INPP5D: variants seen among roughly 807,000 people sequenced by gnomAD.
INPP5D encodes inositol polyphosphate-5-phosphatase D.
A neutral mutation model predicts 122.9 loss-of-function variants in INPP5D; 33 were observed. That is an observed-to-expected ratio of 0.27 (90% confidence interval 0.20 to 0.36). The LOEUF is 0.36. Ranked by LOEUF, INPP5D falls within the 10% of genes least tolerant of loss-of-function variation. The pLI is 1.00. For synonymous variants in INPP5D, 584 were observed against 576.2 expected, an observed-to-expected ratio of 1.01 and a Z score of -0.19; for missense variants, 1,053 against 1,412.7, an observed-to-expected ratio of 0.75 and a Z score of 4.08.
intron 24 of INPP5D, 33 bp downstream of exon 24, chr2:233,195,528 G>C: frequency 6.2e-7 from 1 of 1,612,188 alleles, no homozygotes; most frequent in Non-Finnish European, 8.5e-7. Flanking sequence ...GTTGGGGGGG[G>C]TGGATATCAG....
intron 18 of INPP5D, among the ~76,000 whole-genome samples, chr2:233,178,099 A>G (rs2106310142): frequency 6.6e-6 from 1 of 152,320 alleles, no homozygotes; most frequent in South Asian, 2.1e-4. Flanking sequence ...ATGTAATATT[A>G]AAATAAATAA....
chr2:233,112,209 C>T (rs574274115), intron 2 of INPP5D, among the ~76,000 whole-genome samples: 42 of 152,198 alleles, frequency 2.8e-4, no homozygotes, highest in African/African-American at 8.7e-4. Context: ...GTCGCTTCGA[C>T]GGTTATTAAT....
At chr2:233,125,474 C>T (rs1433276378) in intron 3 of INPP5D, among the ~76,000 whole-genome samples, 3 of 152,242 alleles carry the variant, frequency 2.0e-5, no homozygotes, top group South Asian at 2.1e-4. Flanking sequence ...CATCCAAGGT[C>T]AGCAGCCCTG....
chr2:233,126,886 C>G (rs761467136), intron 4 of INPP5D, among the ~76,000 whole-genome samples: 1 of 151,714 alleles, frequency 6.6e-6, no homozygotes, highest in Non-Finnish European at 1.5e-5. Context: ...CGCCACTGCA[C>G]TCCAGCCTGG....
In INPP5D at chr2:233,197,414, A is replaced by G. The variant is rs1381660854; in HGVS notation, c.2694-681A>G. 1.3e-5 allele frequency among the ~76,000 whole-genome samples: 2 copies of G among 152,100 alleles called. No homozygotes were observed. The highest frequency in any genetic ancestry group is 2.4e-5 in the African/African-American group (1 of 41,414). ...AAATGTGTGAGCTGATGTGTTCCAG[A>G]GGAACCCCTGCTGGAGTCTGCCCTG... On this transcript the variant is annotated intron_variant, in intron 24 of 26. Coordinates refer to ENST00000445964, the MANE Select transcript of INPP5D (RefSeq NM_001017915.3). This position sits in a 1 kb window ranked among gnomAD's most constrained non-coding sequence, Gnocchi z 4.4.
In INPP5D at chr2:233,188,350, C is replaced by T. The variant is rs964123652; in HGVS notation, c.2359-1500C>T. 2.0e-5 allele frequency among the ~76,000 whole-genome samples: 3 copies of T among 152,040 alleles called. No individual in the cohort carries two copies. Among genetic ancestry groups the T allele is most frequent in the Admixed American group, 2.0e-4 (3 of 15,270 alleles). ...CCACCGCCTGCCAGGGTGGTGGTGT[C>T]GCACAGAGACATTTGTTGTTCAGAT... On this transcript the variant is annotated intron_variant, in intron 21 of 26. Coordinates refer to ENST00000445964, the MANE Select transcript of INPP5D (RefSeq NM_001017915.3). The surrounding 1 kb of genome is among the most constrained non-coding windows in gnomAD (Gnocchi z 4.7).
intron 9 of INPP5D, among the ~76,000 whole-genome samples, chr2:233,155,340 G>A (rs868304126): frequency 6.6e-6 from 1 of 152,162 alleles, no homozygotes; most frequent in African/African-American, 2.4e-5. Flanking sequence ...GACCAGATCA[G>A]GGCTGGGTGC....
intron 9 of INPP5D, among the ~76,000 whole-genome samples, chr2:233,154,829 C>A (rs879881328): frequency 6.6e-6 from 1 of 152,150 alleles, no homozygotes; most frequent in Non-Finnish European, 1.5e-5. Flanking sequence ...CTAAACTGGT[C>A]CTGTTAAGAA....
At chr2:233,176,362 C>T (rs546838179) in intron 17 of INPP5D, among the ~76,000 whole-genome samples, 87 of 7,382 alleles carry the variant, frequency 0.012, 1 homozygote, top group African/African-American at 0.03. Context: ...GATGGATAGG[C>T]GAATGGATAG....
At chr2:233,124,633 A>G (rs1406502403) in intron 3 of INPP5D, among the ~76,000 whole-genome samples, 2 of 152,214 alleles carry the variant, frequency 1.3e-5, no homozygotes, top group Non-Finnish European at 2.9e-5. Context: ...CCAGGCGCCC[A>G]GGGCCATGCT....
intron 2 of INPP5D, among the ~76,000 whole-genome samples, chr2:233,101,281 T>TG (rs1195602580): frequency 1.3e-5 from 2 of 152,226 alleles, no homozygotes; most frequent in East Asian, 3.9e-4. Flanking sequence ...AACCAGCTCT[T>TG]GGGGTTCCTG....
At chr2:233,194,488 CTTTTTTTTTTT>C (rs544200839) in intron 23 of INPP5D, among the ~76,000 whole-genome samples, 2 of 88,708 alleles carry the variant, frequency 2.3e-5, no homozygotes, top group Admixed American at 1.4e-4. Context: ...TTCTAAACTG[CTTTTTTTTTTT>C]TTTTTTTTTT....
intron 2 of INPP5D, among the ~76,000 whole-genome samples, chr2:233,096,097 G>A (rs1190791684): frequency 1.3e-5 from 2 of 152,146 alleles, no homozygotes; most frequent in African/African-American, 2.4e-5. Context: ...GCTACAATAA[G>A]CAAGGCTTGC....
intron 2 of INPP5D, among the ~76,000 whole-genome samples, chr2:233,107,703 C>T (rs1692503979): frequency 6.6e-6 from 1 of 152,096 alleles, no homozygotes; most frequent in African/African-American, 2.4e-5. Context: ...CCCTGGACAG[C>T]AAGGGCCTGG....
intron 1 of INPP5D, among the ~76,000 whole-genome samples, chr2:233,070,933 C>G (rs1691363999): frequency 6.6e-6 from 1 of 152,084 alleles, no homozygotes; most frequent in South Asian, 2.1e-4. Flanking sequence ...GTTTGTTTTA[C>G]ATTGAACCAT....
At chr2:233,085,427 G>C (rs1691804669) in intron 2 of INPP5D, among the ~76,000 whole-genome samples, 1 of 151,728 alleles carries the variant, frequency 6.6e-6, no homozygotes, top group Admixed American at 6.6e-5. Context: ...ATAGTTCCGA[G>C]TACAAAATCC....
rs1467873696 is a variant in INPP5D at position 233,078,750 on chromosome 2, T to C, written c.135-585T>C. On this transcript the variant is annotated intron_variant, in intron 1 of 26. Transcript: ENST00000445964. This position sits in a 1 kb window ranked among gnomAD's most constrained non-coding sequence, Gnocchi z 4.6. ...CAGGCTGGAGTGAAGTGGCACATTC[T>C]CGGCTCACTGCAACCTCCGCCTCCT... Among the ~76,000 whole-genome samples the C allele has an allele frequency of 6.6e-6, 1 of 152,164 alleles. No homozygotes were observed. The highest frequency in any genetic ancestry group is 1.9e-4 in the East Asian group (1 of 5,192).
In INPP5D at chr2:233,163,767, C is replaced by T. The variant is rs1455642398; in HGVS notation, c.1301C>T (p.Thr434Met). ...SWFLSKGQGK[T>M]RDDSADYIPH... ...TTTCTCTCCAAGGGGCAGGGAAAGACGCGGGACGACTCTGCGGACTACATC... is the reference window on the plus strand; with the variant it reads ...TTTCTCTCCAAGGGGCAGGGAAAGATGCGGGACGACTCTGCGGACTACATC... Residue 434 changes from threonine (T) to methionine (M), a missense_variant, in exon 12 of 27, where the codon ACG becomes ATG. This residue lies in a region of INPP5D where 105 missense variants were observed against 199.8 expected (regional missense o/e 0.53). Transcript: ENST00000445964. 1.2e-6 allele frequency: 2 copies of T among 1,613,850 alleles called. No homozygotes were observed. The highest frequency in any genetic ancestry group is 1.7e-6 in the Non-Finnish European group (2 of 1,179,902).
intron 22 of INPP5D, among the ~76,000 whole-genome samples, chr2:233,191,334 C>T (rs578065939): frequency 1.3e-5 from 2 of 152,288 alleles, no homozygotes; most frequent in South Asian, 4.1e-4. Flanking sequence ...AAACCACCCC[C>T]ATGATTCAAT....
Sources: allele counts gnomAD v4.1 joint callset (sites outside exome capture counted in the v4.1 genomes callset), GRCh38; gene constraint gnomAD v4.1.1; regional missense constraint gnomAD v4.1.1; non-coding constraint Gnocchi (gnomAD v3.1); transcripts MANE v1.5; gene names NCBI Gene and HGNC (gene_info 2026-07-23, HGNC 2026-07-21).